Variants in TYR observed in about 807,000 individuals in gnomAD.
The protein encoded by TYR is LB24-AB.
In TYR, 58 loss-of-function variants were observed where a neutral mutation model predicts 51.5. The ratio of observed to expected loss-of-function variants is 1.13; its 90% CI spans 0.91 to 1.40. The LOEUF (loss-of-function observed/expected upper bound fraction) is 1.40, where lower values mean the gene tolerates loss of function less well. TYR is among the 40% of genes most tolerant of loss of function. TYR has a pLI of 0.00. For synonymous variants in TYR, 263 were observed against 235.2 expected, an observed-to-expected ratio of 1.12 and a Z score of -1.08; for missense variants, 732 against 647.4, an observed-to-expected ratio of 1.13 and a Z score of -1.42.
intron 2 of TYR, chr11:89,192,163 C>A: frequency 5.2e-6 from 1 of 194,034 alleles, no homozygotes; most frequent in Non-Finnish European, 1.1e-5. Context: ...AATATTTATC[C>A]TACAAATGTT....
intron 4 of TYR, among the ~76,000 whole-genome samples, chr11:89,292,465 C>T (rs1944862261): frequency 6.6e-6 from 1 of 152,066 alleles, no homozygotes; most frequent in South Asian, 2.1e-4. Flanking sequence ...TCCTCAGTGC[C>T]ATGTTCTTAT....
intron 3 of TYR, among the ~76,000 whole-genome samples, chr11:89,262,859 A>C (rs1399298004): frequency 1.4e-5 from 2 of 145,372 alleles, no homozygotes; most frequent in South Asian, 2.1e-4. Flanking sequence ...AAAAAAAAAA[A>C]AAAAAAAAAA....
chr11:89,271,093 A>G (rs759025563), intron 3 of TYR, among the ~76,000 whole-genome samples: 1 of 151,936 alleles, frequency 6.6e-6, no homozygotes, highest in Non-Finnish European at 1.5e-5. Flanking sequence ...AAGAACCCCT[A>G]TGGAAGAAAA....
chr11:89,195,743 CTG>C (rs1943510585), intron 2 of TYR, among the ~76,000 whole-genome samples: 1 of 151,808 alleles, frequency 6.6e-6, no homozygotes, highest in Non-Finnish European at 1.5e-5. Flanking sequence ...AAAAATAAGT[CTG>C]TATTATAAGA....
rs552582652 is a variant in TYR, at chr11:89,199,809, TTTTG to T, written c.1036+8395_1036+8398del. 1.1e-4 allele frequency among the ~76,000 whole-genome samples: 16 copies of T among 152,288 alleles called. No individual in the cohort carries two copies. The South Asian group carries it at 3.3e-3, about 32-fold the overall frequency. On this transcript the variant is annotated intron_variant, in intron 2 of 4. Coordinates refer to ENST00000263321, the MANE Select transcript of TYR (RefSeq NM_000372.5). ...TGTGTATTTATCCAAGCTAAAGAGC[TTTTG>T]TTTAATTTTTCATGATTTGAACTCA...
chr11:89,234,974 TA>T (rs533895496), intron 3 of TYR, among the ~76,000 whole-genome samples: 1,773 of 135,570 alleles, frequency 0.013, 20 homozygotes, highest in African/African-American at 0.037. Context: ...CTTCAATTTG[TA>T]AAAAAAAAAA....
intron 2 of TYR, among the ~76,000 whole-genome samples, chr11:89,193,313 G>A (rs1939258): frequency 0.22 from 32,935 of 151,878 alleles, 5,586 homozygotes; most frequent in African/African-American, 0.48. Flanking sequence ...AACATCACTC[G>A]TCTAGGGTCT....
chr11:89,210,446 C>T (rs535470108), intron 2 of TYR, among the ~76,000 whole-genome samples: 1 of 152,138 alleles, frequency 6.6e-6, no homozygotes, highest in African/African-American at 2.4e-5. Flanking sequence ...AGAAACAAAG[C>T]CTCCAATAAA....
chr11:89,248,803 G>T (rs1324245069), intron 3 of TYR, among the ~76,000 whole-genome samples: 1 of 152,178 alleles, frequency 6.6e-6, no homozygotes, highest in Non-Finnish European at 1.5e-5. Context: ...AATGAGAAAT[G>T]ATGGTGATTT....
chr11:89,178,793 G>A (rs761771576), intron 1 of TYR, 21 bp downstream of exon 1: 16 of 1,612,164 alleles, frequency 9.9e-6, no homozygotes, highest in African/African-American at 1.3e-5. Context: ...CTAGATATAC[G>A]ATGTCAGAGT....
intron 2 of TYR, among the ~76,000 whole-genome samples, chr11:89,208,490 T>C (rs998888633): frequency 6.6e-6 from 1 of 152,198 alleles, no homozygotes; most frequent in African/African-American, 2.4e-5. Flanking sequence ...TATCAATATA[T>C]GTGAGAAAAG....
chr11:89,235,169 A>C (rs1944094995), intron 3 of TYR, among the ~76,000 whole-genome samples: 1 of 152,200 alleles, frequency 6.6e-6, no homozygotes, highest in African/African-American at 2.4e-5. Flanking sequence ...CTTATCAAAA[A>C]GATAAAAGAC....
In TYR at chr11:89,253,643, T is replaced by C. The variant is rs141215320; in HGVS notation, c.1184+25673T>C. Among the ~76,000 whole-genome samples the C allele has an allele frequency of 9.1e-4, 139 of 151,974 alleles. 3 individuals carry two copies. The East Asian group carries it at 0.026, about 29-fold the overall frequency. On this transcript the variant is annotated intron_variant, in intron 3 of 4. Coordinates refer to ENST00000263321, the MANE Select transcript of TYR (RefSeq NM_000372.5). Reference sequence around the variant, plus strand: ...TCTCAGCTTGGTTGCTGTTGGTGTATAGCAGAGCTACTGATTTGTGTACAT... The same window carrying C: ...TCTCAGCTTGGTTGCTGTTGGTGTACAGCAGAGCTACTGATTTGTGTACAT...
At position 89,178,734 on chromosome 11, in the gene TYR, A is replaced by G; in HGVS notation, c.781A>G (p.Asn261Asp). 6.2e-7 allele frequency: 1 copy of G among 1,614,108 alleles called. No homozygotes were observed. Among genetic ancestry groups the G allele is most frequent in the Non-Finnish European group, 8.5e-7 (1 of 1,180,006 alleles). ...YMGGQHPTNP[N>D]LLSPASFFSS... is the part of the protein sequence containing the mutation. ...GGGAGGTCAGCACCCCACAAATCCT[A>G]ACTTACTCAGCCCAGCATCATTCTT... Residue 261 changes from asparagine to aspartate, a missense_variant, in exon 1 of 5, where the codon AAC becomes GAC. Physicochemically the swap from Asn to Asp is conservative, Grantham distance 23. Transcript: ENST00000263321.
intron 3 of TYR, among the ~76,000 whole-genome samples, chr11:89,240,779 T>C (rs1160835044): frequency 6.6e-6 from 1 of 152,198 alleles, no homozygotes; most frequent in African/African-American, 2.4e-5. Flanking sequence ...CAGGTCTTTA[T>C]TGGGATTTTT....
intron 4 of TYR, among the ~76,000 whole-genome samples, 180 bp downstream of exon 4, chr11:89,285,134 T>G (rs1184643818): frequency 6.6e-6 from 1 of 151,810 alleles, no homozygotes; most frequent in Non-Finnish European, 1.5e-5. Flanking sequence ...TGAGGATCTT[T>G]AAAGTCATGG....
chr11:89,251,043 G>C (rs1224393171), intron 3 of TYR, among the ~76,000 whole-genome samples: 1 of 151,874 alleles, frequency 6.6e-6, no homozygotes, highest in Non-Finnish European at 1.5e-5. Flanking sequence ...TTAAGATACA[G>C]GTGACTGAAT....
intron 2 of TYR, among the ~76,000 whole-genome samples, chr11:89,198,047 G>A (rs377268229): frequency 1.5e-4 from 23 of 152,178 alleles, no homozygotes; most frequent in Middle Eastern, 3.4e-3. Context: ...TAAATGAGCT[G>A]TGGGCTTTAA....
chr11:89,236,083 T>C lies in TYR; in HGVS notation c.1184+8113T>C, dbSNP rs537784285. 1.8e-3 allele frequency among the ~76,000 whole-genome samples: 270 copies of C among 152,270 alleles called. 3 individuals carry two copies. The highest frequency in any genetic ancestry group is 6.3e-3 in the African/African-American group (261 of 41,576). ...ATGATATTCATTTACATATTGTCAA[T>C]GGATGCTTTCGGGCTACAATGTCAG... On this transcript the variant is annotated intron_variant, in intron 3 of 4. Transcript: ENST00000263321.
Sources: gnomAD v4.1 joint callset for allele counts (sites outside exome capture counted in the v4.1 genomes callset) on GRCh38, gnomAD v4.1.1 for gene constraint, MANE v1.5 for transcripts, NCBI Gene and HGNC (gene_info 2026-07-23, HGNC 2026-07-21) for gene names.